The following PALM variants were observed in gnomAD, a reference collection of about 807,000 sequenced individuals.
PALM encodes the protein paralemmin-1.
In PALM, 18 loss-of-function variants were observed where a neutral mutation model predicts 30.7. The ratio of observed to expected loss-of-function variants is 0.59; its 90% CI spans 0.41 to 0.87. PALM has a LOEUF of 0.87. Ranked by LOEUF, PALM falls within the 40% of genes least tolerant of loss-of-function variation. The probability of loss-of-function intolerance (pLI) is 0.00; values close to 1 mark genes in which losing one functional copy is unlikely to be tolerated. For missense variants in PALM, 529 were observed against 555.4 expected (o/e 0.95, Z 0.48); for synonymous variants, 286 against 242.8 (o/e 1.18, Z -1.66).
rs565028632 is a variant in PALM, at chr19:709,911, T to TG, written c.5+770dup. Among the ~76,000 whole-genome samples, 13,816 of 147,344 alleles carry TG rather than the reference T, an allele frequency of 0.094. 675 individuals are homozygous for TG. The highest frequency in any genetic ancestry group is 0.12 in the African/African-American group (4,990 of 40,236). On this transcript the variant is annotated intron_variant, in intron 1 of 8. Transcript: ENST00000338448. The surrounding 1 kb of genome is among the most constrained non-coding windows in gnomAD (Gnocchi z 4.3). ...CCCCGCATGGCTGCGCCTGTGTGTG[T>TG]GGGGGGGGGGTGGCCAGTGGAGGCA... is the stretch of plus-strand genomic sequence containing the variant.
chr19:727,005 C>A lies in PALM; in HGVS notation c.58-3C>A. The A allele has an allele frequency of 6.5e-7, 1 of 1,533,600 alleles. No homozygotes were observed. The highest frequency in any genetic ancestry group is 8.8e-7 in the Non-Finnish European group (1 of 1,132,952). 95.0% of individuals were successfully genotyped at this position (1,533,600 alleles called of 1,614,324 possible). ...CCCTGACCCCACCCGGCCCTCCCCA[C>A]AGGAGAAGCGGAAGCGGCAGGCGGA... On this transcript the variant is annotated splice_region_variant and splice_polypyrimidine_tract_variant and intron_variant, in intron 2 of 8. Transcript: ENST00000338448.
At chr19:725,853 T>A (rs939007302) in intron 1 of PALM, among the ~76,000 whole-genome samples, 8 of 152,160 alleles carry the variant, frequency 5.3e-5, no homozygotes, top group African/African-American at 1.7e-4. Context: ...TGGCCTTTGA[T>A]GCCTGGTGAA....
chr19:718,963 G>C (rs1403510482), intron 1 of PALM: 1 of 187,530 alleles, frequency 5.3e-6, no homozygotes, highest in Non-Finnish European at 1.0e-5. Context: ...GAAGCAGCTG[G>C]GGTCCAGACT....
chr19:723,461 A>G (rs2032560958), intron 1 of PALM, among the ~76,000 whole-genome samples: 1 of 151,730 alleles, frequency 6.6e-6, no homozygotes, highest in African/African-American at 2.4e-5. Context: ...TGGGACACCC[A>G]CCGCCAACCC....
At chr19:710,890 C>A (rs1016004205) in intron 1 of PALM, among the ~76,000 whole-genome samples, 1 of 152,218 alleles carries the variant, frequency 6.6e-6, no homozygotes, top group African/African-American at 2.4e-5. Context: ...TGGGTGGGGA[C>A]AGGCCCATCT....
At chr19:735,925 T>G (rs928932188) in intron 6 of PALM, 94 bp from the exon 7 acceptor site, 2 of 1,015,188 alleles carry the variant, frequency 2.0e-6, no homozygotes, top group African/African-American at 3.3e-5. Context: ...GGAGTCCGGA[T>G]GCACTTCTGT....
At chr19:737,762 C>G (rs1256421126) in intron 7 of PALM, among the ~76,000 whole-genome samples, 1 of 151,956 alleles carries the variant, frequency 6.6e-6, no homozygotes, top group Non-Finnish European at 1.5e-5. Context: ...CCAGGAGATC[C>G]GTGTGGCTGG....
At position 709,044 on chromosome 19, in the gene PALM, C is replaced by A; in HGVS notation, c.-103C>A. The A allele has an allele frequency of 5.6e-6, 1 of 177,138 alleles. No individual in the cohort carries two copies. Among genetic ancestry groups the A allele is most frequent in the South Asian group, 1.7e-4 (1 of 5,884 alleles). The allele number at this position is 177,138 out of a possible 1,614,324, so 11.0% of individuals were successfully genotyped here. A position where few individuals can be genotyped will look rare whatever the true frequency, so the allele number is the denominator to read the frequency against. ...CCCGGCCGCCAGGCCTTAGCCCGCC[C>A]CGGCCCCCGCCAGGCCGCGTCCCCC... On this transcript the variant is annotated 5_prime_UTR_variant, in exon 1 of 9. Coordinates refer to ENST00000338448, the MANE Select transcript of PALM (RefSeq NM_002579.3). This position sits in a 1 kb window ranked among gnomAD's most constrained non-coding sequence, Gnocchi z 4.3.
At chr19:737,404 G>GTCGTC (rs1191010839) in intron 7 of PALM, among the ~76,000 whole-genome samples, 5 of 152,226 alleles carry the variant, frequency 3.3e-5, no homozygotes, top group African/African-American at 1.2e-4. Flanking sequence ...TTGAAAAACA[G>GTCGTC]TCGTCCCTTC....
rs1359421246 is a variant in PALM at position 746,337 on chromosome 19, C to T, written c.687C>T (p.Ser229=). 2 of 1,613,058 alleles carry T rather than the reference C, an allele frequency of 1.2e-6. No homozygotes were observed. Among genetic ancestry groups the T allele is most frequent in the Admixed American group, 1.7e-5 (1 of 60,014 alleles). The part of the protein sequence containing the change: ...TAENGIHPLS[S]SEVDELIHKA... ...AGAACGGGATCCACCCCCTGAGCTC[C>T]TCCGAGGTGGACGAACTCATCCACA... Residue 229 remains serine, a synonymous_variant, in exon 9 of 9, where the codon TCC becomes TCT. Coordinates refer to ENST00000338448, the MANE Select transcript of PALM (RefSeq NM_002579.3). The surrounding 1 kb of genome is among the most constrained non-coding windows in gnomAD (Gnocchi z 7.1).
At chr19:739,751 G>A (rs533283494) in intron 7 of PALM, among the ~76,000 whole-genome samples, 1 of 152,188 alleles carries the variant, frequency 6.6e-6, no homozygotes, top group East Asian at 1.9e-4. Flanking sequence ...CAAGGCAGGT[G>A]GATCACCTGA....
rs1264855434 is a variant in PALM, at chr19:719,767, GC to G, written c.6-6367del. ...AATGAGACTCCCCCGCGCCTGGCGG[GC>G]CCCGCCCGCAGGAGGATGAACGCCG... On this transcript the variant is annotated intron_variant, in intron 1 of 8. Coordinates refer to ENST00000338448, the MANE Select transcript of PALM (RefSeq NM_002579.3). 3.6e-5 allele frequency: 15 copies of G among 418,290 alleles called. No individual in the cohort carries two copies. In the East Asian group the frequency reaches 2.4e-3, roughly 67 times the overall value. 25.9% of individuals were successfully genotyped at this position (418,290 alleles called of 1,614,324 possible).
At chr19:734,482 T>A in intron 6 of PALM, 1 of 448,362 alleles carries the variant, frequency 2.2e-6, no homozygotes, top group Non-Finnish European at 4.0e-6. Context: ...GGAGGATCGA[T>A]CGCTTGAGCC....
At chr19:741,157 A>G (rs1037755560) in intron 8 of PALM, among the ~76,000 whole-genome samples, 3 of 151,952 alleles carry the variant, frequency 2.0e-5, no homozygotes, top group African/African-American at 7.3e-5. Flanking sequence ...AAAAAATAAT[A>G]ATAAAGAATT....
chr19:715,221 T>C (rs1328775795), intron 1 of PALM, among the ~76,000 whole-genome samples: 1 of 152,118 alleles, frequency 6.6e-6, no homozygotes, highest in Non-Finnish European at 1.5e-5. Flanking sequence ...TGAGCCGAGA[T>C]TGCACCACTG....
chr19:713,978 C>T (rs553896863), intron 1 of PALM, among the ~76,000 whole-genome samples: 28 of 146,446 alleles, frequency 1.9e-4, no homozygotes, highest in African/African-American at 6.6e-4. Context: ...GATCTCGGCT[C>T]ACTGCAACCT....
At chr19:715,874 G>A (rs2032238656) in intron 1 of PALM, among the ~76,000 whole-genome samples, 1 of 152,194 alleles carries the variant, frequency 6.6e-6, no homozygotes, top group South Asian at 2.1e-4. Flanking sequence ...TGCCCACAGG[G>A]ACGGGGCTCC....
At chr19:714,147 T>A (rs1436934353) in intron 1 of PALM, among the ~76,000 whole-genome samples, 2 of 150,548 alleles carry the variant, frequency 1.3e-5, no homozygotes, top group Non-Finnish European at 3.0e-5. Context: ...CCTTGTGATC[T>A]ACCCTCCTCG....
chr19:727,052 G>A lies in PALM; in HGVS notation c.102G>A (p.Gln34=). Residue 34 remains glutamine (Q), a synonymous_variant, in exon 3 of 9, where the codon CAG becomes CAA. Coordinates refer to ENST00000338448, the MANE Select transcript of PALM (RefSeq NM_002579.3). The part of the protein sequence containing the change: ...RQAEIENKRR[Q]LEDERRQLQH... ...CGGAGATCGAGAACAAGCGCCGGCA[G>A]CTGGAGGACGAGCGGAGGCAGCTGC... is the stretch of plus-strand genomic sequence containing the variant. 1 of 1,398,416 alleles carries A rather than the reference G, an allele frequency of 7.2e-7. No individual in the cohort carries two copies. 86.6% of individuals were successfully genotyped at this position (1,398,416 alleles called of 1,614,324 possible).
Sources: gnomAD v4.1 joint callset for allele counts (sites outside exome capture counted in the v4.1 genomes callset) on GRCh38, gnomAD v4.1.1 for gene constraint, Gnocchi (gnomAD v3.1) non-coding constraint, MANE v1.5 for transcripts, NCBI Gene and HGNC (gene_info 2026-07-23, HGNC 2026-07-21) for gene names.